RCOR3: variants seen among roughly 807,000 people sequenced by gnomAD.
RCOR3 encodes REST corepressor 3.
RCOR3 carries 13 observed loss-of-function variants against 64.1 expected under a neutral mutation model. The ratio of observed to expected loss-of-function variants is 0.20; its 90% CI spans 0.13 to 0.32. RCOR3 has a LOEUF of 0.32. RCOR3 is among the 10% of genes least tolerant of loss of function. The probability of loss-of-function intolerance (pLI) is 1.00; values close to 1 mark genes in which losing one functional copy is unlikely to be tolerated. For missense variants in RCOR3, 489 were observed against 701.2 expected (o/e 0.70, Z 3.42); for synonymous variants, 215 against 239.0 (o/e 0.90, Z 0.93).
intron 10 of RCOR3, among the ~76,000 whole-genome samples, chr1:211,308,149 C>A (rs1701050976): frequency 1.3e-5 from 2 of 152,116 alleles, no homozygotes; most frequent in Admixed American, 1.3e-4. Flanking sequence ...GAAAAGCACC[C>A]TTTTGCTTTA....
chr1:211,295,777 G>C, intron 9 of RCOR3, 24 bp downstream of exon 9: 1 of 1,597,680 alleles, frequency 6.3e-7, no homozygotes, highest in Non-Finnish European at 8.6e-7. Flanking sequence ...GGATACATGT[G>C]ATTAAGTATA....
chr1:211,260,536 A>T (rs899752613), intron 2 of RCOR3, among the ~76,000 whole-genome samples: 1 of 152,156 alleles, frequency 6.6e-6, no homozygotes, highest in African/African-American at 2.4e-5. Flanking sequence ...GCAAATGTCA[A>T]TTGCCACCTC....
intron 7 of RCOR3, among the ~76,000 whole-genome samples, chr1:211,284,078 G>T (rs1698195737): frequency 6.6e-6 from 1 of 150,988 alleles, no homozygotes; most frequent in African/African-American, 2.4e-5. Flanking sequence ...TTTTGAGATG[G>T]AGTCTCGCTC....
intron 6 of RCOR3, 120 bp downstream of exon 6, chr1:211,278,361 G>A: frequency 6.9e-6 from 8 of 1,165,668 alleles, no homozygotes; most frequent in Non-Finnish European, 9.8e-6. Context: ...TTACATTTAT[G>A]TTTCTACTCT....
intron 8 of RCOR3, among the ~76,000 whole-genome samples, chr1:211,293,050 C>T (rs978082492): frequency 6.6e-6 from 1 of 151,106 alleles, no homozygotes; most frequent in African/African-American, 2.4e-5. Context: ...CGCCACTGCA[C>T]TCTAGCCTGG....
intron 7 of RCOR3, among the ~76,000 whole-genome samples, chr1:211,285,193 T>C (rs1698359554): frequency 6.6e-6 from 1 of 152,248 alleles, no homozygotes; most frequent in Admixed American, 6.5e-5. Context: ...CTTGCTGAAC[T>C]GGTTAGTATC....
intron 2 of RCOR3, chr1:211,261,163 C>T (rs1694206113): frequency 6.6e-6 from 1 of 152,110 alleles, no homozygotes; most frequent in African/African-American, 2.4e-5. Flanking sequence ...TTGTGTCAGA[C>T]ATTGGATTTC....
intron 10 of RCOR3, among the ~76,000 whole-genome samples, chr1:211,308,698 T>G (rs1234152649): frequency 0.016 from 651 of 40,708 alleles, 15 homozygotes; most frequent in African/African-American, 0.039. Context: ...TTTTTTTTTT[T>G]TGTGTAGTCC....
In RCOR3 at chr1:211,315,545, A is replaced by G. The variant is rs1701822915; in HGVS notation, c.*1777A>G. 6.6e-6 allele frequency: 1 copy of G among 152,218 alleles called. No homozygotes were observed. The highest frequency in any genetic ancestry group is 1.5e-5 in the Non-Finnish European group (1 of 68,020). 9.4% of individuals were successfully genotyped at this position (152,218 alleles called of 1,614,324 possible). Reference sequence around the variant, plus strand: ...TATACTTATTTTTTCCTTAAAAGCCACAGGGGACAGTTAAATATCTTAAAA... The same window carrying G: ...TATACTTATTTTTTCCTTAAAAGCCGCAGGGGACAGTTAAATATCTTAAAA... On this transcript the variant is annotated 3_prime_UTR_variant, in exon 12 of 12. Transcript: ENST00000419091.
At position 211,315,455 on chromosome 1, in the gene RCOR3, G is replaced by C. The variant is rs751970490; in HGVS notation, c.*1687G>C. ...AGGTTAGGTCCTTTTCTTTCTCATTGAATCATCTTAAATAGTTCTTGGCCC... is the reference window on the plus strand; with the variant it reads ...AGGTTAGGTCCTTTTCTTTCTCATTCAATCATCTTAAATAGTTCTTGGCCC... On this transcript the variant is annotated 3_prime_UTR_variant, in exon 12 of 12. Transcript: ENST00000419091. 1.3e-5 allele frequency: 2 copies of C among 152,064 alleles called. No homozygotes were observed. Among genetic ancestry groups the C allele is most frequent in the Non-Finnish European group, 2.9e-5 (2 of 68,008 alleles). The allele number at this position is 152,064 out of a possible 1,614,324, so 9.4% of individuals were successfully genotyped here. A position where few individuals can be genotyped will look rare whatever the true frequency, so the allele number is the denominator to read the frequency against.
intron 7 of RCOR3, among the ~76,000 whole-genome samples, chr1:211,281,563 T>C (rs1697815362): frequency 6.6e-6 from 1 of 152,220 alleles, no homozygotes; most frequent in Non-Finnish European, 1.5e-5. Context: ...TGGTGTCGTC[T>C]GTAGGATAAA....
chr1:211,271,092 T>C (rs1696117461), intron 2 of RCOR3, 140 bp from the exon 3 acceptor site: 1 of 562,772 alleles, frequency 1.8e-6, no homozygotes. Flanking sequence ...CTCCTGACCT[T>C]GTGATCCGCC....
chr1:211,262,760 TC>T (rs1694539167), intron 2 of RCOR3, among the ~76,000 whole-genome samples: 1 of 151,764 alleles, frequency 6.6e-6, no homozygotes, highest in Admixed American at 6.6e-5. Context: ...GGAACAAATT[TC>T]AAAATTTTGA....
chr1:211,270,681 AAGAAAGTCTTTTTTAGTT>A (rs1321219868), intron 2 of RCOR3, among the ~76,000 whole-genome samples: 4 of 152,098 alleles, frequency 2.6e-5, no homozygotes, highest in African/African-American at 9.7e-5. Context: ...TAATGTACTG[AAGAAAGTCTTTTTTAGTT>A]TAAAAGGGAT....
intron 7 of RCOR3, among the ~76,000 whole-genome samples, chr1:211,286,312 C>CTT: frequency 8.1e-6 from 1 of 122,980 alleles, no homozygotes; most frequent in African/African-American, 3.0e-5. Flanking sequence ...TATTTCTTTT[C>CTT]TTTTTTTTTT....
intron 8 of RCOR3, 139 bp from the exon 9 acceptor site, chr1:211,295,537 C>G (rs904785037): frequency 3.0e-6 from 2 of 669,928 alleles, no homozygotes; most frequent in African/African-American, 1.8e-5. Flanking sequence ...CATGTCATAC[C>G]CCAAGTGTGA....
chr1:211,261,902 C>T (rs1404196243), intron 2 of RCOR3, among the ~76,000 whole-genome samples: 1 of 90,902 alleles, frequency 1.1e-5, no homozygotes, highest in Non-Finnish European at 1.9e-5. Flanking sequence ...CCAGCCTGGG[C>T]AACAGAGTGA....
At position 211,316,105 on chromosome 1, in the gene RCOR3, A is replaced by G. The variant is rs1037770429; in HGVS notation, c.*2337A>G. On this transcript the variant is annotated 3_prime_UTR_variant, in exon 12 of 12. Coordinates refer to ENST00000419091, the MANE Select transcript of RCOR3 (RefSeq NM_001136223.3). ...GAAATTCGAAATAATGATTTTTATA[A>G]AAGCAAAACTAGAAATCTTTTAATG... 6.6e-6 allele frequency: 1 copy of G among 152,210 alleles called. No homozygotes were observed. Among genetic ancestry groups the G allele is most frequent in the Admixed American group, 6.5e-5 (1 of 15,282 alleles). 9.4% of individuals were successfully genotyped at this position (152,210 alleles called of 1,614,324 possible). A position where few individuals can be genotyped will look rare whatever the true frequency, so the allele number is the denominator to read the frequency against.
intron 1 of RCOR3, 23 bp downstream of exon 1, chr1:211,259,749 C>A: frequency 1.4e-6 from 2 of 1,451,272 alleles, no homozygotes; most frequent in Non-Finnish European, 1.8e-6. Context: ...AACTCCTCCC[C>A]GCCAGCCCGC....
Sources: gnomAD v4.1 joint callset for allele counts (sites outside exome capture counted in the v4.1 genomes callset) on GRCh38, gnomAD v4.1.1 for gene constraint, MANE v1.5 for transcripts, NCBI Gene and HGNC (gene_info 2026-07-23, HGNC 2026-07-21) for gene names.